Variants in IL1RAPL1 observed in about 807,000 individuals in gnomAD.
IL1RAPL1 encodes the protein interleukin 1 receptor accessory protein like 1, also known as interleukin-1 receptor accessory protein-like 1.
In IL1RAPL1, 3 loss-of-function variants were observed where a neutral mutation model predicts 48.4. The observed-to-expected ratio is 0.06, with a 90% CI of 0.03 to 0.16. IL1RAPL1 has a LOEUF of 0.16. IL1RAPL1 is among the 10% of genes least tolerant of loss of function. The probability of loss-of-function intolerance (pLI) is 1.00; values close to 1 mark genes in which losing one functional copy is unlikely to be tolerated. For synonymous variants in IL1RAPL1, 185 were observed against 187.7 expected, an observed-to-expected ratio of 0.99 and a Z score of 0.12; for missense variants, 349 against 530.6, an observed-to-expected ratio of 0.66 and a Z score of 3.36.
intron 6 of IL1RAPL1, among the ~76,000 whole-genome samples, chrX:29,768,451 G>A (rs1387306821): frequency 9.0e-6 from 1 of 111,306 alleles, no homozygotes; most frequent in Non-Finnish European, 1.9e-5. Flanking sequence ...CTGATAGATA[G>A]CACACTTGAT....
At chrX:28,732,232 T>C (rs1446923608) in intron 1 of IL1RAPL1, among the ~76,000 whole-genome samples, 1 of 112,389 alleles carries the variant, frequency 8.9e-6, no homozygotes, top group Admixed American at 9.5e-5. Flanking sequence ...AATTAAGTAG[T>C]CATGTGCAAT....
chrX:29,057,709 A>C (rs186430170), intron 2 of IL1RAPL1, among the ~76,000 whole-genome samples: 1 of 111,679 alleles, frequency 9.0e-6, no homozygotes, highest in South Asian at 3.7e-4. Context: ...GATTACAGGC[A>C]TGAGCCACCG....
At chrX:28,985,869 C>G (rs1925461345) in intron 2 of IL1RAPL1, among the ~76,000 whole-genome samples, 1 of 110,465 alleles carries the variant, frequency 9.1e-6, no homozygotes, top group African/African-American at 3.3e-5. Context: ...CTGTGTTAGC[C>G]AGGATGGTCT....
At chrX:29,120,384 G>A (rs748307455) in intron 2 of IL1RAPL1, among the ~76,000 whole-genome samples, 1 of 111,561 alleles carries the variant, frequency 9.0e-6, no homozygotes, top group Non-Finnish European at 1.9e-5. Context: ...CAGCACCATT[G>A]ATTAAATAAG....
At chrX:29,791,592 T>G in intron 6 of IL1RAPL1, among the ~76,000 whole-genome samples, 1 of 108,406 alleles carries the variant, frequency 9.2e-6, no homozygotes. Flanking sequence ...CTGGCTAATT[T>G]TTTGTATTTT....
chrX:28,854,646 G>T (rs1362596888), intron 2 of IL1RAPL1, among the ~76,000 whole-genome samples: 1 of 111,097 alleles, frequency 9.0e-6, no homozygotes, highest in Non-Finnish European at 1.9e-5. Context: ...AGTGGGAAGA[G>T]ACCAAACGCA....
chrX:29,925,969 AAGTT>A (rs1932886677), intron 8 of IL1RAPL1, among the ~76,000 whole-genome samples: 1 of 111,549 alleles, frequency 9.0e-6, no homozygotes. Flanking sequence ...GATTAATCCC[AAGTT>A]AGTTATTTTT....
chrX:29,053,527 C>T (rs1927144347), intron 2 of IL1RAPL1, among the ~76,000 whole-genome samples: 1 of 111,810 alleles, frequency 8.9e-6, no homozygotes, highest in African/African-American at 3.3e-5. Flanking sequence ...TCTCTGCAAC[C>T]TTGCCAGCAC....
chrX:29,748,866 A>T (rs944586221), intron 6 of IL1RAPL1, among the ~76,000 whole-genome samples: 1 of 111,305 alleles, frequency 9.0e-6, no homozygotes, highest in Non-Finnish European at 1.9e-5. Flanking sequence ...CCCCCAGGCC[A>T]TACTGCCTTT....
intron 6 of IL1RAPL1, among the ~76,000 whole-genome samples, chrX:29,862,784 T>C (rs1297492097): frequency 9.1e-6 from 1 of 109,747 alleles, no homozygotes; most frequent in African/African-American, 3.3e-5. Flanking sequence ...ACTGGCTGCA[T>C]GTTTGTACGT....
At chrX:28,622,726 C>T (rs1207163103) in intron 1 of IL1RAPL1, among the ~76,000 whole-genome samples, 1 of 111,968 alleles carries the variant, frequency 8.9e-6, no homozygotes, top group African/African-American at 3.2e-5. Context: ...TGAATTAAAT[C>T]ACCAAGAAAA....
chrX:29,918,144 A>AAAAAAAAAAAT (rs1555935868), intron 7 of IL1RAPL1, among the ~76,000 whole-genome samples: 1 of 23,767 alleles, frequency 4.2e-5, no homozygotes, highest in Non-Finnish European at 6.6e-5. Flanking sequence ...AAAAAAAAAA[A>AAAAAAAAAAAT]ATATATATAT....
At chrX:29,652,026 A>T (rs980678365) in intron 5 of IL1RAPL1, among the ~76,000 whole-genome samples, 5 of 111,950 alleles carry the variant, frequency 4.5e-5, no homozygotes, top group African/African-American at 6.5e-5. Flanking sequence ...ACTGAAGCAT[A>T]TCTCATTAGC....
intron 6 of IL1RAPL1, among the ~76,000 whole-genome samples, chrX:29,898,451 T>C (rs1932431715): frequency 9.0e-6 from 1 of 111,512 alleles, no homozygotes. Flanking sequence ...CAACAGTTAG[T>C]TAGCACCAAG....
chrX:28,589,055 G>T (rs1364400054), intron 1 of IL1RAPL1, among the ~76,000 whole-genome samples: 1 of 111,768 alleles, frequency 8.9e-6, no homozygotes, highest in East Asian at 2.8e-4. Flanking sequence ...TGGGAAATGG[G>T]ATAAAGAAAT....
chrX:29,684,395 C>T (rs775671934), intron 6 of IL1RAPL1, among the ~76,000 whole-genome samples: 64 of 111,533 alleles, frequency 5.7e-4, no homozygotes, highest in African/African-American at 2.1e-3. Context: ...CCCTCATCAC[C>T]TCCGAAAGGC....
chrX:28,629,107 CGAT>C (rs1353500333), intron 1 of IL1RAPL1, among the ~76,000 whole-genome samples: 1 of 111,192 alleles, frequency 9.0e-6, no homozygotes, highest in Admixed American at 9.6e-5. Context: ...GTTTGAGGGA[CGAT>C]GATTTTGCCA....
chrX:29,710,239 T>C (rs1199695210), intron 6 of IL1RAPL1, among the ~76,000 whole-genome samples: 1 of 111,465 alleles, frequency 9.0e-6, no homozygotes, highest in Non-Finnish European at 1.9e-5. Context: ...GTCTTGTTCT[T>C]GATCTTTGAG....
At chrX:29,315,007 G>A (rs1452690629) in intron 3 of IL1RAPL1, among the ~76,000 whole-genome samples, 1 of 111,906 alleles carries the variant, frequency 8.9e-6, no homozygotes, top group Non-Finnish European at 1.9e-5. Context: ...CTCAGGGGAT[G>A]TAGGAAAGTC....
Sources: gnomAD v4.1 joint callset for allele counts (sites outside exome capture counted in the v4.1 genomes callset) on GRCh38, gnomAD v4.1.1 for gene constraint, MANE v1.5 for transcripts, NCBI Gene and HGNC (gene_info 2026-07-23, HGNC 2026-07-21) for gene names.